Variants in PIK3R1 observed in about 807,000 individuals in gnomAD.
PIK3R1 encodes phosphoinositide-3-kinase regulatory subunit 1.
Under a neutral mutation model 98.0 loss-of-function variants are expected in PIK3R1, and 29 were observed. That is an observed-to-expected ratio of 0.30 (90% CI 0.22 to 0.40). PIK3R1 has a LOEUF of 0.40. PIK3R1 is among the 10% of genes least tolerant of loss of function. The pLI is 1.00. For synonymous variants in PIK3R1, 282 were observed against 311.8 expected, an observed-to-expected ratio of 0.90 and a Z score of 1.01; for missense variants, 596 against 872.7, an observed-to-expected ratio of 0.68 and a Z score of 3.99.
rs1246360388 is a variant in PIK3R1, at chr5:68,292,267, C to G, written c.925C>G (p.Pro309Ala). The change falls in exon 8 of 16, where the codon CCT becomes GCT. Residue 309 changes from proline (P) to alanine (A), a missense_variant. Physicochemically the swap from Pro to Ala is conservative, Grantham distance 27. Transcript: ENST00000521381. ...TTCTTTTTCATCTGCAGCACTGCCT[C>G]CTAAACCACCAAAACCTACTACTGT... is the stretch of plus-strand genomic sequence containing the variant. ...NERQPAPALP[P>A]KPPKPTTVAN... is the part of the protein sequence containing the mutation. The G allele has an allele frequency of 5.6e-6, 9 of 1,611,468 alleles. No homozygotes were observed. Among genetic ancestry groups the G allele is most frequent in the Non-Finnish European group, 7.6e-6 (9 of 1,178,404 alleles).
chr5:68,294,414 T>C, intron 11 of PIK3R1, 122 bp from the exon 12 acceptor site: 1 of 610,640 alleles, frequency 1.6e-6, no homozygotes, highest in South Asian at 3.2e-5. Flanking sequence ...ACTGTTTTAA[T>C]GGATTTTATG....
At chr5:68,234,437 G>A (rs1311777611) in intron 2 of PIK3R1, among the ~76,000 whole-genome samples, 1 of 152,180 alleles carries the variant, frequency 6.6e-6, no homozygotes, top group African/African-American at 2.4e-5. Context: ...CTCATTGCAC[G>A]ATCTGATTGG....
At chr5:68,294,713 C>T (rs2112270612) in intron 12 of PIK3R1, 35 bp downstream of exon 12, 1 of 1,536,218 alleles carries the variant, frequency 6.5e-7, no homozygotes, top group South Asian at 1.2e-5. Context: ...CTAGAGATAA[C>T]CAAAATCCTC....
chr5:68,292,751 T>G (rs1385034232), intron 8 of PIK3R1: 1 of 1,272,220 alleles, frequency 7.9e-7, no homozygotes, highest in African/African-American at 1.5e-5. Context: ...TCTTTTGAGA[T>G]CATGAGTTTC....
intron 2 of PIK3R1, among the ~76,000 whole-genome samples, chr5:68,255,223 C>T (rs929924677): frequency 3.3e-5 from 5 of 152,108 alleles, no homozygotes; most frequent in African/African-American, 1.2e-4. Flanking sequence ...CTTTTTGGTC[C>T]TCTCAAAATT....
Position 68,292,657 on chromosome 5 carries a change from T to TCTAAG in PIK3R1, c.1019+297_1019+301dup, listed in dbSNP as rs1231116411. 6 of 1,328,306 alleles carry TCTAAG rather than the reference T, an allele frequency of 4.5e-6. No individual in the cohort carries two copies. In the Admixed American group the frequency reaches 1.9e-4, roughly 42 times the overall value. 82.3% of individuals were successfully genotyped at this position (1,328,306 alleles called of 1,614,324 possible). A position where few individuals can be genotyped will look rare whatever the true frequency, so the allele number is the denominator to read the frequency against. ...AGGCACTCTATCTATTAAGCACAAC[T>TCTAAG]CTAAGAATTCTTGCCTTAAACACAA... On this transcript the variant is annotated intron_variant, in intron 8 of 15. Transcript: ENST00000521381.
chr5:68,228,932 T>C (rs1744378534), intron 2 of PIK3R1, among the ~76,000 whole-genome samples: 1 of 152,172 alleles, frequency 6.6e-6, no homozygotes, highest in Non-Finnish European at 1.5e-5. Flanking sequence ...TTTATAATGC[T>C]TGCTTTCTCA....
chr5:68,264,557 A>G (rs1358410973), intron 2 of PIK3R1, among the ~76,000 whole-genome samples: 1 of 152,214 alleles, frequency 6.6e-6, no homozygotes, highest in Non-Finnish European at 1.5e-5. Context: ...ATTAAATGAG[A>G]TTAAACGCTG....
At chr5:68,292,730 G>C in intron 8 of PIK3R1, 2 of 1,272,596 alleles carry the variant, frequency 1.6e-6, no homozygotes, top group Non-Finnish European at 2.0e-6. Flanking sequence ...GGGGAGTAAG[G>C]TTGGAGAAAC....
intron 15 of PIK3R1, 37 bp from the exon 16 acceptor site, chr5:68,297,363 AATTGTCTTGGAC>A: frequency 6.9e-7 from 1 of 1,442,136 alleles, no homozygotes; most frequent in Non-Finnish European, 9.6e-7. Context: ...AAGAGTTGTG[AATTGTCTTGGAC>A]AAGCTCAAAA....
intron 4 of PIK3R1, among the ~76,000 whole-genome samples, chr5:68,274,618 A>T (rs1047075083): frequency 5.3e-5 from 8 of 152,176 alleles, no homozygotes; most frequent in African/African-American, 1.9e-4. Context: ...TTTTTGTGGC[A>T]TGAATATTCC....
intron 2 of PIK3R1, chr5:68,239,833 C>A (rs1744805799): frequency 2.0e-6 from 1 of 504,634 alleles, no homozygotes; most frequent in African/African-American, 1.9e-5. Flanking sequence ...CAGATTTTTC[C>A]TCTCAGGAAA....
At position 68,301,432 on chromosome 5, in the gene PIK3R1, A is replaced by ATATG. The variant is rs1463705488; in HGVS notation, c.*3832_*3833insATGT. 6.8e-5 allele frequency: 5 copies of ATATG among 73,502 alleles called. No individual in the cohort carries two copies. The highest frequency in any genetic ancestry group is 2.3e-4 in the African/African-American group (4 of 17,280). 4.6% of individuals were successfully genotyped at this position (73,502 alleles called of 1,614,324 possible). On this transcript the variant is annotated 3_prime_UTR_variant, in exon 16 of 16. Coordinates refer to ENST00000521381, the MANE Select transcript of PIK3R1 (RefSeq NM_181523.3). ...TATATATATATATATATATATATAT[A>ATATG]TGTGTGTGTATATATATATATATGT... is the stretch of plus-strand genomic sequence containing the variant.
intron 8 of PIK3R1, 91 bp from the exon 9 acceptor site, chr5:68,293,009 TA>T: frequency 9.4e-7 from 1 of 1,067,576 alleles, no homozygotes; most frequent in Non-Finnish European, 1.4e-6. Context: ...GCTGTGAACC[TA>T]AAACTGCTCT....
chr5:68,217,659 CGCGT>C (rs1373688154), intron 1 of PIK3R1: 2 of 136,876 alleles, frequency 1.5e-5, no homozygotes, highest in African/African-American at 2.8e-5. Context: ...TGTGTGCGCG[CGCGT>C]GCCTGCGGCT....
At position 68,288,529 on chromosome 5, in the gene PIK3R1, A is replaced by AGCCG. The variant is rs1561293739; in HGVS notation, c.917-3730_917-3729insGCCG. The AGCCG allele has an allele frequency of 2.8e-4, 355 of 1,261,794 alleles. 1 individual carries two copies. The African/African-American group carries it at 4.9e-3, about 17-fold the overall frequency. The allele number at this position is 1,261,794 out of a possible 1,614,324, so 78.2% of individuals were successfully genotyped here. On this transcript the variant is annotated intron_variant, in intron 7 of 15. Transcript: ENST00000521381. ...GCGGAGGGACGAGCCGAGCCGAGCC[A>AGCCG]AGCGGAGCTGGGCCACTGTGCACGC... is the stretch of plus-strand genomic sequence containing the variant.
At chr5:68,235,390 G>T (rs1174760024) in intron 2 of PIK3R1, among the ~76,000 whole-genome samples, 1 of 148,640 alleles carries the variant, frequency 6.7e-6, no homozygotes, top group African/African-American at 2.5e-5. Context: ...GTGACAGAGT[G>T]AAAGTGTCTC....
chr5:68,253,328 G>A (rs1470665778), intron 2 of PIK3R1, among the ~76,000 whole-genome samples: 6 of 152,128 alleles, frequency 3.9e-5, no homozygotes, highest in African/African-American at 1.2e-4. Flanking sequence ...GATTCAAGCT[G>A]GACTTGGAGA....
intron 11 of PIK3R1, 150 bp downstream of exon 11, chr5:68,293,984 A>C (rs1376609285): frequency 1.5e-6 from 1 of 653,410 alleles, no homozygotes; most frequent in African/African-American, 1.9e-5. Flanking sequence ...ATTCTAGTGT[A>C]ATATCTCTAA....
Sources: gnomAD v4.1 joint callset for allele counts (sites outside exome capture counted in the v4.1 genomes callset) on GRCh38, gnomAD v4.1.1 for gene constraint, MANE v1.5 for transcripts, NCBI Gene and HGNC (gene_info 2026-07-23, HGNC 2026-07-21) for gene names.